The following ADAMTSL1 variants were observed in gnomAD, a reference collection of about 807,000 sequenced individuals.
ADAMTSL1 encodes the protein ADAMTS like 1.
A neutral mutation model predicts 201.8 loss-of-function variants in ADAMTSL1; 126 were observed. The ratio of observed to expected loss-of-function variants is 0.62; its 90% confidence interval spans 0.54 to 0.72. The LOEUF (loss-of-function observed/expected upper bound fraction) is 0.72, where lower values mean the gene tolerates loss of function less well. Among genes scored for constraint, ADAMTSL1 ranks in the 30% least tolerant of loss-of-function variants. ADAMTSL1 has a pLI of 0.00. For synonymous variants in ADAMTSL1, 1,121 were observed against 903.4 expected (o/e 1.24, Z -4.32); for missense variants, 2,679 against 2,277.8 (o/e 1.18, Z -3.59).
At chr9:18,391,337 T>C (rs2133223042) in intron 2 of ADAMTSL1, among the ~76,000 whole-genome samples, 1 of 152,360 alleles carries the variant, frequency 6.6e-6, no homozygotes, top group South Asian at 2.1e-4. Flanking sequence ...ACATCCGTGT[T>C]ATAATAGTTT....
chr9:18,314,984 G>C (rs943840783), intron 2 of ADAMTSL1, among the ~76,000 whole-genome samples: 3 of 150,806 alleles, frequency 2.0e-5, no homozygotes, highest in African/African-American at 7.3e-5. Context: ...TTTTAGTAGA[G>C]ACGGGGTTTC....
intron 25 of ADAMTSL1, among the ~76,000 whole-genome samples, chr9:18,890,242 G>A (rs1365409708): frequency 1.3e-5 from 2 of 152,300 alleles, no homozygotes; most frequent in Non-Finnish European, 2.9e-5. Context: ...AAAGGCTTGC[G>A]TCTCACTAAA....
chr9:18,338,458 GT>G (rs144922289), intron 2 of ADAMTSL1, among the ~76,000 whole-genome samples: 12,362 of 151,874 alleles, frequency 0.081, 691 homozygotes, highest in Non-Finnish European at 0.12. Flanking sequence ...TTTGGCTTTT[GT>G]TTTTTTGAGA....
chr9:17,952,155 C>T (rs1208767903), intron 1 of ADAMTSL1, among the ~76,000 whole-genome samples: 3 of 148,228 alleles, frequency 2.0e-5, no homozygotes, highest in African/African-American at 5.0e-5. Flanking sequence ...AATCTTGCTA[C>T]GTTGCCCAGG....
intron 1 of ADAMTSL1, among the ~76,000 whole-genome samples, chr9:18,128,071 A>T (rs180742625): frequency 5.3e-5 from 8 of 152,312 alleles, no homozygotes. Flanking sequence ...CTAACAAATG[A>T]CTAGTTGCAT....
chr9:17,918,622 C>T (rs954907948), intron 1 of ADAMTSL1, among the ~76,000 whole-genome samples: 1 of 151,658 alleles, frequency 6.6e-6, no homozygotes, highest in Non-Finnish European at 1.5e-5. Context: ...ATTTGTGCCT[C>T]TATTTTTTTT....
At chr9:18,044,349 A>G (rs1821569002) in intron 1 of ADAMTSL1, among the ~76,000 whole-genome samples, 1 of 152,088 alleles carries the variant, frequency 6.6e-6, no homozygotes. Context: ...ACACCAGCAA[A>G]GACACAGAGG....
chr9:18,622,351 C>T lies in ADAMTSL1; in HGVS notation c.583C>T (p.Gln195Ter). ...GCTGGTCCGAGGGCAGTATAAATCC[C>T]AGCTCTCCGCAACCAAATGTAAGAC... is the stretch of plus-strand genomic sequence containing the variant. ...CRLVRGQYKS[Q>*]LSATKSDDTV... The change falls in exon 5 of 29, where the codon CAG becomes TAG. Residue 195 changes from glutamine to a stop codon, truncating the protein, a stop_gained. Coordinates refer to ENST00000380548, the MANE Select transcript of ADAMTSL1 (RefSeq NM_001040272.6). LOFTEE classifies it high-confidence loss of function. The T allele has an allele frequency of 6.2e-7, 1 of 1,614,046 alleles. No homozygotes were observed. The highest frequency in any genetic ancestry group is 8.5e-7 in the Non-Finnish European group (1 of 1,179,960).
intron 9 of ADAMTSL1, among the ~76,000 whole-genome samples, chr9:18,672,799 GT>G (rs1829901716): frequency 1.3e-5 from 2 of 152,162 alleles, no homozygotes; most frequent in African/African-American, 4.8e-5. Context: ...GGACAATTCA[GT>G]AAGACATGTA....
intron 2 of ADAMTSL1, among the ~76,000 whole-genome samples, chr9:18,179,734 G>C (rs1457523764): frequency 5.9e-5 from 9 of 152,122 alleles, no homozygotes; most frequent in Admixed American, 5.9e-4. Context: ...CATTCTTAAA[G>C]AAAAGAATTT....
At chr9:18,437,897 C>A (rs982138301) in intron 2 of ADAMTSL1, among the ~76,000 whole-genome samples, 4 of 152,092 alleles carry the variant, frequency 2.6e-5, no homozygotes, top group Admixed American at 2.0e-4. Flanking sequence ...CTTATGCCCC[C>A]AGCTGTTAAC....
chr9:18,683,193 G>C (rs755824953), intron 12 of ADAMTSL1, among the ~76,000 whole-genome samples: 96 of 151,582 alleles, frequency 6.3e-4, no homozygotes, highest in Non-Finnish European at 1.2e-3. Context: ...AGCTAACTAT[G>C]CCACCAGAGA....
chr9:18,665,802 A>C (rs1409225408), intron 9 of ADAMTSL1, among the ~76,000 whole-genome samples: 1 of 152,100 alleles, frequency 6.6e-6, no homozygotes, highest in Non-Finnish European at 1.5e-5. Context: ...CATCTCGCCT[A>C]TACTCTTCAA....
intron 1 of ADAMTSL1, among the ~76,000 whole-genome samples, chr9:18,078,151 C>T (rs148033766): frequency 4.6e-5 from 7 of 152,226 alleles, no homozygotes; most frequent in Admixed American, 2.6e-4. Context: ...CTTGTGAGCA[C>T]GGAGTTCAAG....
chr9:18,270,933 AC>A (rs1832335942), intron 2 of ADAMTSL1, among the ~76,000 whole-genome samples: 1 of 152,132 alleles, frequency 6.6e-6, no homozygotes, highest in African/African-American at 2.4e-5. Context: ...AGACTCTAGG[AC>A]CCTAAGAAGG....
chr9:18,237,298 G>A (rs1287167242), intron 2 of ADAMTSL1, among the ~76,000 whole-genome samples: 1 of 152,166 alleles, frequency 6.6e-6, no homozygotes, highest in African/African-American at 2.4e-5. Flanking sequence ...ACCAGCTCAG[G>A]AGGAAGAACA....
chr9:18,542,897 C>G (rs1298824167), intron 3 of ADAMTSL1, among the ~76,000 whole-genome samples: 1 of 152,270 alleles, frequency 6.6e-6, no homozygotes, highest in African/African-American at 2.4e-5. Context: ...GTAATTTCTC[C>G]TGATTGTTTT....
At chr9:17,914,713 G>A (rs1331558150) in intron 1 of ADAMTSL1, among the ~76,000 whole-genome samples, 3 of 151,928 alleles carry the variant, frequency 2.0e-5, no homozygotes, top group African/African-American at 7.3e-5. Flanking sequence ...ATTCAATTAG[G>A]AAAAGAGGAA....
intron 3 of ADAMTSL1, among the ~76,000 whole-genome samples, chr9:18,559,421 A>G (rs1487607880): frequency 6.6e-6 from 1 of 152,152 alleles, no homozygotes; most frequent in Non-Finnish European, 1.5e-5. Flanking sequence ...CTTGTAATAT[A>G]GTTTGAAGTC....
Sources: gnomAD v4.1 joint callset for allele counts (sites outside exome capture counted in the v4.1 genomes callset) on GRCh38, gnomAD v4.1.1 for gene constraint, MANE v1.5 for transcripts, NCBI Gene and HGNC (gene_info 2026-07-23, HGNC 2026-07-21) for gene names.